EXOSC5: variants seen among roughly 807,000 people sequenced by gnomAD.
EXOSC5 encodes the protein exosome component 5.
EXOSC5 carries 15 observed loss-of-function variants against 23.7 expected under a neutral mutation model. The observed-to-expected ratio is 0.63, with a 90% confidence interval of 0.42 to 0.97. The LOEUF is 0.97. Among genes scored for constraint, EXOSC5 ranks in the 50% least tolerant of loss-of-function variants. The pLI is 0.00. For missense variants in EXOSC5, 305 were observed against 316.3 expected (o/e 0.96, Z 0.27); for synonymous variants, 143 against 140.9 (o/e 1.02, Z -0.11).
chr19:41,386,764 C>T (rs1222959161), intron 5 of EXOSC5, 39 bp from the exon 6 acceptor site: 1 of 1,533,008 alleles, frequency 6.5e-7, no homozygotes, highest in Non-Finnish European at 8.8e-7. Flanking sequence ...GGGCCGAGCC[C>T]TTCATGCACA....
In EXOSC5 at chr19:41,391,926, T is replaced by C. The variant is rs1321622898; in HGVS notation, c.299A>G (p.Asn100Ser). Residue 100 changes from asparagine to serine, a missense_variant, in exon 3 of 6, where the codon AAC becomes AGC. Asn to Ser is a conservative substitution (Grantham distance 46, BLOSUM62 1). Coordinates refer to ENST00000221233, the MANE Select transcript of EXOSC5 (RefSeq NM_020158.4). The part of the protein sequence containing the change: ...AEKSRERLIR[N>S]TCEAVVLGTL... ...GCCCAGCACCACCGCCTCGCACGTG[T>C]TCCTGATCAGCCGCTCCCGGCTCTT... 1 of 1,580,278 alleles carries C rather than the reference T, an allele frequency of 6.3e-7. No individual in the cohort carries two copies. The highest frequency in any genetic ancestry group is 2.4e-5 in the East Asian group (1 of 40,864).
At chr19:41,391,641 CAT>C in intron 3 of EXOSC5, 198 bp downstream of exon 3, 2 of 594,492 alleles carry the variant, frequency 3.4e-6, no homozygotes, top group Non-Finnish European at 5.4e-6. Flanking sequence ...TGCTATATTA[CAT>C]GAGTTAATGT....
Position 41,391,820 on chromosome 19 carries a change from G to C in EXOSC5, c.384+21C>G, listed in dbSNP as rs767569537. 8.0e-6 allele frequency: 12 copies of C among 1,490,924 alleles called. No homozygotes were observed. In the South Asian group the frequency reaches 1.6e-4, roughly 20 times the overall value. 92.4% of individuals were successfully genotyped at this position (1,490,924 alleles called of 1,614,324 possible). ...GCAATCAGGAGACTTCCTGGAGGAG[G>C]AGGCCTGGCAGAAAGGATACAGAGC... On this transcript the variant is annotated intron_variant, in intron 3 of 5. Transcript: ENST00000221233.
At chr19:41,395,956 A>G (rs1437441798) in intron 1 of EXOSC5, among the ~76,000 whole-genome samples, 1 of 152,086 alleles carries the variant, frequency 6.6e-6, no homozygotes, top group Non-Finnish European at 1.5e-5. Flanking sequence ...AAACCAAACT[A>G]TACGTAAGTT....
chr19:41,391,883 G>A lies in EXOSC5; in HGVS notation c.342C>T (p.Thr114=). 1.9e-6 allele frequency: 3 copies of A among 1,556,250 alleles called. No individual in the cohort carries two copies. The highest frequency in any genetic ancestry group is 2.6e-6 in the Non-Finnish European group (3 of 1,158,346). The change falls in exon 3 of 6, where the codon ACC becomes ACT. Residue 114 remains threonine, a synonymous_variant. Transcript: ENST00000221233. ...CAACCTGCAGCACCACGGTGATGGA[G>A]GTGCGGGGGTGCAACGTGCCCAGCA... ...AVVLGTLHPR[T]SITVVLQVVS...
chr19:41,389,745 A>ACCCTGGT lies in EXOSC5; in HGVS notation c.525+13_525+19dup. ...GCTGTCTGGCCTCTGCCCTTCAGCC[A>ACCCTGGT]CCCTGGTCTTCACACCTACCTTTTC... On this transcript the variant is annotated intron_variant, in intron 4 of 5. Coordinates refer to ENST00000221233, the MANE Select transcript of EXOSC5 (RefSeq NM_020158.4). 6.2e-7 allele frequency: 1 copy of ACCCTGGT among 1,609,540 alleles called. No individual in the cohort carries two copies. The highest frequency in any genetic ancestry group is 8.5e-7 in the Non-Finnish European group (1 of 1,178,046).
chr19:41,387,726 G>C, intron 4 of EXOSC5, 123 bp from the exon 5 acceptor site: 2 of 531,510 alleles, frequency 3.8e-6, no homozygotes, highest in South Asian at 9.4e-5. Context: ...GGGAGGCCAA[G>C]GCAGGGCACT....
chr19:41,387,494 C>T lies in EXOSC5; in HGVS notation c.615+20G>A, dbSNP rs1319619362. On this transcript the variant is annotated intron_variant, in intron 5 of 5. Coordinates refer to ENST00000221233, the MANE Select transcript of EXOSC5 (RefSeq NM_020158.4). ...TGGGAAGGAAGGTTCTGGCTTTTCC[C>T]CTCATCCCCATGCTGGTACCTCAGT... 4 of 1,569,996 alleles carry T rather than the reference C, an allele frequency of 2.5e-6. No homozygotes were observed. Among genetic ancestry groups the T allele is most frequent in the Non-Finnish European group, 3.5e-6 (4 of 1,158,294 alleles).
chr19:41,387,734 A>T (rs2038994692), intron 4 of EXOSC5, 131 bp from the exon 5 acceptor site: 2 of 472,434 alleles, frequency 4.2e-6, no homozygotes. Context: ...AAGGCAGGGC[A>T]CTGCTTGAGG....
rs749058888 is a variant in EXOSC5 at position 41,387,553 on chromosome 19, C to T, written c.576G>A (p.Leu192=). 6.2e-7 allele frequency: 1 copy of T among 1,606,766 alleles called. No individual in the cohort carries two copies. Among genetic ancestry groups the T allele is most frequent in the South Asian group, 1.1e-5 (1 of 89,144 alleles). The change falls in exon 5 of 6, where the codon CTG becomes CTA. Residue 192 remains leucine, a synonymous_variant. Transcript: ENST00000221233. ...TFALDSVERK[L]LMSSTKGLYS... is the part of the protein sequence containing the mutation. ...AGAGCCCCTTGGTGCTGGACATCAG[C>T]AGCTTCCGTTCCACGCTGTCCAGGG...
chr19:41,388,601 G>A (rs1389674390), intron 4 of EXOSC5, among the ~76,000 whole-genome samples: 1 of 152,184 alleles, frequency 6.6e-6, no homozygotes, highest in Non-Finnish European at 1.5e-5. Flanking sequence ...TGTCACTCCT[G>A]CTTCCTTTTT....
chr19:41,386,413 T>G lies in EXOSC5; in HGVS notation c.*220A>C. The G allele has an allele frequency of 1.9e-6, 1 of 519,210 alleles. No individual in the cohort carries two copies. The highest frequency in any genetic ancestry group is 3.4e-6 in the Non-Finnish European group (1 of 290,798). 32.2% of individuals were successfully genotyped at this position (519,210 alleles called of 1,614,324 possible). ...TTTATTGATTCATCCATTCCATAAA[T>G]GTGAGCTCCTTTGAATGTTATCCTT... On this transcript the variant is annotated 3_prime_UTR_variant, in exon 6 of 6. Transcript: ENST00000221233.
chr19:41,388,380 A>C (rs1378989924), intron 4 of EXOSC5, among the ~76,000 whole-genome samples: 1 of 152,222 alleles, frequency 6.6e-6, no homozygotes, highest in South Asian at 2.1e-4. Flanking sequence ...GAAAAGCAGC[A>C]CCCTGGTCCT....
chr19:41,391,769 G>A (rs878082), intron 3 of EXOSC5, 72 bp downstream of exon 3: 855,297 of 1,447,388 alleles, frequency 0.59, 254,483 homozygotes, highest in Non-Finnish European at 0.6. Flanking sequence ...CTAGCAGTGA[G>A]GGTATATGTA....
rs373168489 is a variant in EXOSC5 at position 41,392,857 on chromosome 19, G to T, written c.262+10C>A. On this transcript the variant is annotated intron_variant, in intron 2 of 5. Transcript: ENST00000221233. ...GGGCACCACTCAGAGGTTCAGCAGG[G>T]CCCAATTACCAGGCAGCCCAATCTT... is the stretch of plus-strand genomic sequence containing the variant. The T allele has an allele frequency of 6.2e-7, 1 of 1,613,030 alleles. No homozygotes were observed. The highest frequency in any genetic ancestry group is 1.3e-5 in the African/African-American group (1 of 75,012).
Position 41,386,666 on chromosome 19 carries a change from C to T in EXOSC5, c.675G>A (p.Arg225=). Residue 225 remains arginine (R), a synonymous_variant, in exon 6 of 6, where the codon CGG becomes CGA. Coordinates refer to ENST00000221233, the MANE Select transcript of EXOSC5 (RefSeq NM_020158.4). ...TGGAGTAACGCCTCTGCAGCGATTC[C>T]CGGTAGAAACGGAAGACGTGTTGCG... The part of the protein sequence containing the change: ...AASQHVFRFY[R]ESLQRRYSKS The T allele has an allele frequency of 6.2e-7, 1 of 1,601,946 alleles. No homozygotes were observed. The highest frequency in any genetic ancestry group is 8.5e-7 in the Non-Finnish European group (1 of 1,174,598).
At chr19:41,394,600 C>A (rs1234576171) in intron 1 of EXOSC5, among the ~76,000 whole-genome samples, 1 of 152,072 alleles carries the variant, frequency 6.6e-6, no homozygotes, top group South Asian at 2.1e-4. Flanking sequence ...TCACTGCAAC[C>A]TCCGCCTCCC....
At position 41,386,691 on chromosome 19, in the gene EXOSC5, G is replaced by A. The variant is rs754247072; in HGVS notation, c.650C>T (p.Ser217Leu). Reference protein sequence around the residue: ...QQCLAAAQAASQHVFRFYRES... With the variant: ...QQCLAAAQAALQHVFRFYRES... ...CCGGTAGAAACGGAAGACGTGTTGCGAAGCGGCCTGGGCCGCAGCCAGGCA... is the reference window on the plus strand; with the variant it reads ...CCGGTAGAAACGGAAGACGTGTTGCAAAGCGGCCTGGGCCGCAGCCAGGCA... Residue 217 changes from serine to leucine, a missense_variant, in exon 6 of 6, where the codon TCG (serine) becomes TTG (leucine). Coordinates refer to ENST00000221233, the MANE Select transcript of EXOSC5 (RefSeq NM_020158.4). The A allele has an allele frequency of 1.5e-5, 24 of 1,602,616 alleles. No individual in the cohort carries two copies. The highest frequency in any genetic ancestry group is 4.5e-5 in the East Asian group (2 of 44,508).
In EXOSC5 at chr19:41,392,901, G is replaced by A. The variant is rs1245824915; in HGVS notation, c.228C>T (p.Leu76=). ...CAATCTTCGGCCTCAGGATCACTTC[G>A]AGTGTGGCCTTGTTGAAAATCTCTT... ...VSKEIFNKAT[L]EVILRPKIGL... is the part of the protein sequence containing the mutation. The change falls in exon 2 of 6, where the codon CTC becomes CTT. Residue 76 remains leucine, a synonymous_variant. Coordinates refer to ENST00000221233, the MANE Select transcript of EXOSC5 (RefSeq NM_020158.4). The A allele has an allele frequency of 4.3e-6, 7 of 1,613,890 alleles. No individual in the cohort carries two copies. The highest frequency in any genetic ancestry group is 3.3e-5 in the South Asian group (3 of 91,056).
Sources: gnomAD v4.1 joint callset for allele counts (sites outside exome capture counted in the v4.1 genomes callset) on GRCh38, gnomAD v4.1.1 for gene constraint, MANE v1.5 for transcripts, NCBI Gene and HGNC (gene_info 2026-07-23, HGNC 2026-07-21) for gene names.